The following PALLD variants were observed in gnomAD, a reference collection of about 807,000 sequenced individuals.
PALLD encodes palladin.
PALLD carries 61 observed loss-of-function variants against 123.5 expected under a neutral mutation model. The ratio of observed to expected loss-of-function variants is 0.49; its 90% confidence interval spans 0.40 to 0.61. PALLD has a LOEUF of 0.61. PALLD is among the 20% of genes least tolerant of loss of function. PALLD has a pLI of 0.00. For missense variants in PALLD, 1,273 were observed against 1,377.0 expected (o/e 0.92, Z 1.20); for synonymous variants, 465 against 496.4 (o/e 0.94, Z 0.84).
intron 2 of PALLD, among the ~76,000 whole-genome samples, chr4:168,577,105 G>T (rs1034594319): frequency 4.6e-5 from 7 of 152,162 alleles, no homozygotes; most frequent in Admixed American, 1.3e-4. Flanking sequence ...CCATAAGGTG[G>T]AAGAAGATTT....
intron 8 of PALLD, among the ~76,000 whole-genome samples, chr4:168,707,676 TGAA>T (rs1561426296): frequency 6.6e-6 from 1 of 152,128 alleles, no homozygotes; most frequent in Admixed American, 6.5e-5. Context: ...TGCCACTTTA[TGAA>T]GGTGTTGCAG....
intron 10 of PALLD, among the ~76,000 whole-genome samples, chr4:168,734,760 A>G (rs530094832): frequency 1.3e-5 from 2 of 152,270 alleles, no homozygotes; most frequent in East Asian, 3.9e-4. Context: ...ACTGAAAAGG[A>G]GAGAAGGAGG....
At chr4:168,920,367 A>C (rs1548315) in intron 17 of PALLD, among the ~76,000 whole-genome samples, 106,027 of 152,168 alleles carry the variant, frequency 0.7, 38,381 homozygotes, top group East Asian at 0.96. Context: ...CTTGCAGGTA[A>C]TATCAGTTGA....
intron 2 of PALLD, among the ~76,000 whole-genome samples, chr4:168,584,657 T>A (rs1283170749): frequency 6.6e-6 from 1 of 152,200 alleles, no homozygotes; most frequent in African/African-American, 2.4e-5. Context: ...GTCTTCTATT[T>A]CAATCTGTGG....
chr4:168,750,343 C>T (rs929740400), intron 10 of PALLD, among the ~76,000 whole-genome samples: 22 of 152,174 alleles, frequency 1.4e-4, no homozygotes, highest in African/African-American at 5.3e-4. Flanking sequence ...CATGTTGCTG[C>T]AAAGGATAAA....
At chr4:168,768,505 A>C (rs758823292) in intron 10 of PALLD, among the ~76,000 whole-genome samples, 1 of 152,220 alleles carries the variant, frequency 6.6e-6, no homozygotes, top group African/African-American at 2.4e-5. Flanking sequence ...TCGTTTCAGA[A>C]AAGTTTCTTA....
At chr4:168,818,234 A>G (rs1742243660) in intron 10 of PALLD, among the ~76,000 whole-genome samples, 1 of 152,224 alleles carries the variant, frequency 6.6e-6, no homozygotes, top group East Asian at 1.9e-4. Context: ...TTAATGACCA[A>G]GCTCCATCCT....
At chr4:168,521,994 T>G (rs1763613734) in intron 2 of PALLD, among the ~76,000 whole-genome samples, 1 of 152,192 alleles carries the variant, frequency 6.6e-6, no homozygotes, top group African/African-American at 2.4e-5. Context: ...CAACTAATTA[T>G]CTCCCCATCC....
At chr4:168,675,812 T>G (rs1341100127) in intron 3 of PALLD, among the ~76,000 whole-genome samples, 2 of 152,140 alleles carry the variant, frequency 1.3e-5, no homozygotes, top group East Asian at 3.8e-4. Flanking sequence ...TCCCAGCACT[T>G]TGGGAGGCTG....
intron 2 of PALLD, among the ~76,000 whole-genome samples, chr4:168,533,724 G>C (rs2149488068): frequency 6.6e-6 from 1 of 152,244 alleles, no homozygotes; most frequent in African/African-American, 2.4e-5. Flanking sequence ...AGACAAGAAA[G>C]AAAAGGACTC....
chr4:168,789,226 C>T (rs186045897), intron 10 of PALLD, among the ~76,000 whole-genome samples: 5 of 152,224 alleles, frequency 3.3e-5, no homozygotes, highest in African/African-American at 7.2e-5. Flanking sequence ...CTAACTAGAA[C>T]ATTATACCAT....
intron 2 of PALLD, among the ~76,000 whole-genome samples, chr4:168,522,556 C>T (rs1763659177): frequency 6.6e-6 from 1 of 152,176 alleles, no homozygotes; most frequent in African/African-American, 2.4e-5. Flanking sequence ...GGGGCCATAC[C>T]TCCTCATGGA....
chr4:168,863,434 CTGA>C (rs1048439769), intron 10 of PALLD, among the ~76,000 whole-genome samples: 4 of 152,312 alleles, frequency 2.6e-5, no homozygotes, highest in Non-Finnish European at 5.9e-5. Context: ...AAGGGAGGGG[CTGA>C]TGTGAGCATG....
intron 10 of PALLD, among the ~76,000 whole-genome samples, chr4:168,745,029 A>G (rs899354331): frequency 2.0e-5 from 3 of 152,220 alleles, no homozygotes; most frequent in Non-Finnish European, 4.4e-5. Flanking sequence ...GGGGTCAGGC[A>G]TCAGCTGGAA....
intron 10 of PALLD, among the ~76,000 whole-genome samples, chr4:168,780,949 A>G (rs1471045279): frequency 6.6e-6 from 1 of 152,130 alleles, no homozygotes; most frequent in Admixed American, 6.5e-5. Flanking sequence ...CAGCCTCCCA[A>G]AGTGCTGGAA....
chr4:168,824,152 T>C (rs972548528), intron 10 of PALLD, among the ~76,000 whole-genome samples: 4 of 152,260 alleles, frequency 2.6e-5, no homozygotes, highest in Admixed American at 2.6e-4. Flanking sequence ...ACAGAAGGCC[T>C]GGCTTTTAAA....
chr4:168,668,116 T>G (rs1490548247), intron 2 of PALLD, 74 bp from the exon 3 acceptor site: 1 of 1,214,930 alleles, frequency 8.2e-7, no homozygotes, highest in Non-Finnish European at 1.2e-6. Context: ...CAGCCTTCAC[T>G]TCTGCTTTAT....
intron 2 of PALLD, chr4:168,537,719 C>T (rs1449023715): frequency 6.6e-6 from 1 of 152,182 alleles, no homozygotes; most frequent in African/African-American, 2.4e-5. Context: ...CGCTGGCAGT[C>T]TTGTGGGAAG....
At chr4:168,658,809 C>T (rs534197704) in intron 2 of PALLD, among the ~76,000 whole-genome samples, 1 of 152,214 alleles carries the variant, frequency 6.6e-6, no homozygotes, top group South Asian at 2.1e-4. Flanking sequence ...GGTTTTGGTT[C>T]AAATTCTATT....
Sources: allele counts gnomAD v4.1 joint callset (sites outside exome capture counted in the v4.1 genomes callset), GRCh38; gene constraint gnomAD v4.1.1; transcripts MANE v1.5; gene names NCBI Gene and HGNC (gene_info 2026-07-23, HGNC 2026-07-21).